Variants in LYPLA1 observed in about 807,000 individuals in gnomAD.
LYPLA1 encodes the protein acyl-protein thioesterase 1.
Under a neutral mutation model 34.0 loss-of-function variants are expected in LYPLA1, and 17 were observed. The observed-to-expected ratio is 0.50, with a 90% CI of 0.34 to 0.75. The LOEUF is 0.75. Ranked by LOEUF, LYPLA1 falls within the 30% of genes least tolerant of loss-of-function variation. The pLI is 0.01. For synonymous variants in LYPLA1, 98 were observed against 100.8 expected, an observed-to-expected ratio of 0.97 and a Z score of 0.17; for missense variants, 203 against 288.8, an observed-to-expected ratio of 0.70 and a Z score of 2.15.
intron 2 of LYPLA1, among the ~76,000 whole-genome samples, chr8:54,090,989 A>T (rs1809201560): frequency 6.6e-6 from 1 of 152,188 alleles, no homozygotes; most frequent in African/African-American, 2.4e-5. Context: ...CTGTGAGTGA[A>T]TTAAACCTCT....
At chr8:54,094,150 T>C (rs539998106) in intron 2 of LYPLA1, among the ~76,000 whole-genome samples, 16 of 152,352 alleles carry the variant, frequency 1.1e-4, no homozygotes, top group Admixed American at 2.6e-4. Flanking sequence ...TTCTTCTCTA[T>C]ACTTTTATAA....
intron 5 of LYPLA1, among the ~76,000 whole-genome samples, chr8:54,061,532 C>A (rs755313489): frequency 6.6e-6 from 1 of 152,188 alleles, no homozygotes; most frequent in Non-Finnish European, 1.5e-5. Context: ...TGAGTCCATG[C>A]GGACACTGTG....
rs777027263 is a variant in LYPLA1, at chr8:54,051,041, C to T, written c.610G>A (p.Glu204Lys). The change falls in exon 8 of 9, where the codon GAA becomes AAA. Residue 204 changes from glutamate (E) to lysine (K), a missense_variant. Physicochemically the swap from Glu to Lys is moderately conservative, Grantham distance 56 (BLOSUM62 1). Around this residue, in one of 3 missense-constraint regions of LYPLA1, gnomAD observed 123 missense variants for 199.2 expected, o/e 0.62. Coordinates refer to ENST00000316963, the MANE Select transcript of LYPLA1 (RefSeq NM_006330.4). Reference protein sequence around the residue: ...NPANVTFKTYEGMMHSSCQQE... With the variant: ...NPANVTFKTYKGMMHSSCQQE... ...TGACACGAACTGTGCATCATACCTTCATAGGTTTTAAAGGTCACATTGGCT... is the reference window on the plus strand; with the variant it reads ...TGACACGAACTGTGCATCATACCTTTATAGGTTTTAAAGGTCACATTGGCT... 6.2e-6 allele frequency: 10 copies of T among 1,613,560 alleles called. No homozygotes were observed. The highest frequency in any genetic ancestry group is 1.7e-5 in the Admixed American group (1 of 59,984).
chr8:54,093,140 T>C (rs1372884955), intron 2 of LYPLA1, among the ~76,000 whole-genome samples: 2 of 152,092 alleles, frequency 1.3e-5, no homozygotes, highest in Non-Finnish European at 2.9e-5. Context: ...ATAACACGAG[T>C]GTGTCCACAC....
intron 2 of LYPLA1, among the ~76,000 whole-genome samples, chr8:54,092,820 T>TAA (rs1205533628): frequency 1.4e-4 from 21 of 152,216 alleles, no homozygotes; most frequent in African/African-American, 5.1e-4. Context: ...TGTCTCTACT[T>TAA]AAAAACAAAA....
At chr8:54,097,113 G>T (rs900252596) in intron 2 of LYPLA1, among the ~76,000 whole-genome samples, 2 of 152,098 alleles carry the variant, frequency 1.3e-5, no homozygotes. Flanking sequence ...TGAACAACTT[G>T]CATAGTCACA....
chr8:54,078,404 C>G (rs1563627180), intron 2 of LYPLA1, among the ~76,000 whole-genome samples: 1 of 152,210 alleles, frequency 6.6e-6, no homozygotes, highest in Non-Finnish European at 1.5e-5. Context: ...AGCAAAGCAA[C>G]TGATAAATTC....
chr8:54,095,569 C>T (rs527450898), intron 2 of LYPLA1, among the ~76,000 whole-genome samples: 99 of 152,252 alleles, frequency 6.5e-4, no homozygotes, highest in African/African-American at 2.2e-3. Flanking sequence ...CTGGCAGACA[C>T]CATCTTAACC....
chr8:54,075,760 T>C (rs1266707226), intron 2 of LYPLA1, among the ~76,000 whole-genome samples: 5 of 152,196 alleles, frequency 3.3e-5, no homozygotes, highest in African/African-American at 1.2e-4. Flanking sequence ...GATCTCAGTA[T>C]TTACCATAAT....
chr8:54,083,943 G>C (rs1008610979), intron 2 of LYPLA1, among the ~76,000 whole-genome samples: 2 of 151,282 alleles, frequency 1.3e-5, no homozygotes, highest in Non-Finnish European at 2.9e-5. Context: ...TTCAAGACTA[G>C]CCTGGCCAAT....
intron 2 of LYPLA1, among the ~76,000 whole-genome samples, chr8:54,085,807 TG>T (rs369437185): frequency 0.38 from 50,687 of 131,884 alleles, 12,129 homozygotes; most frequent in East Asian, 0.75. Context: ...GTCCGCGAGG[TG>T]GGGGGGGGGC....
At chr8:54,059,830 A>C (rs551145407) in intron 5 of LYPLA1, among the ~76,000 whole-genome samples, 84 of 152,262 alleles carry the variant, frequency 5.5e-4, no homozygotes, top group South Asian at 1.2e-3. Flanking sequence ...CTGAGGCGGG[A>C]GAGTTGCTGG....
At position 54,072,317 on chromosome 8, in the gene LYPLA1, T is replaced by C. The variant is rs564825314; in HGVS notation, c.102-6504A>G. ...AACCTAGGAAATACCATTTTAGACA[T>C]AGGACTTGTCTAAGATTTCATGGTG... On this transcript the variant is annotated intron_variant, in intron 2 of 8. Coordinates refer to ENST00000316963, the MANE Select transcript of LYPLA1 (RefSeq NM_006330.4). Among the ~76,000 whole-genome samples, 11 of 152,272 alleles carry C rather than the reference T, an allele frequency of 7.2e-5. No individual in the cohort carries two copies. The South Asian group carries it at 1.0e-3, about 14-fold the overall frequency.
chr8:54,087,713 A>G lies in LYPLA1; in HGVS notation c.101+13195T>C, dbSNP rs181446005. On this transcript the variant is annotated intron_variant, in intron 2 of 8. Coordinates refer to ENST00000316963, the MANE Select transcript of LYPLA1 (RefSeq NM_006330.4). ...TTTTAAAACGGCAAAGGATCTGAAC[A>G]GATATTTCTCCAAAGAAAATATGCA... is the stretch of plus-strand genomic sequence containing the variant. Among the ~76,000 whole-genome samples the G allele has an allele frequency of 8.8e-4, 134 of 152,386 alleles. 1 individual carries two copies. The highest frequency in any genetic ancestry group is 3.4e-3 in the Middle Eastern group (1 of 294).
intron 2 of LYPLA1, among the ~76,000 whole-genome samples, chr8:54,067,400 T>C (rs1455923557): frequency 6.6e-6 from 1 of 152,154 alleles, no homozygotes; most frequent in Non-Finnish European, 1.5e-5. Flanking sequence ...CATGTTCACA[T>C]ACATACACGT....
At chr8:54,064,499 T>G (rs887722546) in intron 3 of LYPLA1, among the ~76,000 whole-genome samples, 7 of 152,204 alleles carry the variant, frequency 4.6e-5, no homozygotes, top group Non-Finnish European at 1.0e-4. Context: ...AGCCACAGTA[T>G]TCACTGTAGC....
chr8:54,063,152 G>A (rs577777437), intron 4 of LYPLA1, among the ~76,000 whole-genome samples, 176 bp downstream of exon 4: 2 of 152,298 alleles, frequency 1.3e-5, no homozygotes, highest in East Asian at 1.9e-4. Context: ...CTACCTGTAT[G>A]TACAGCTCCT....
intron 8 of LYPLA1, among the ~76,000 whole-genome samples, chr8:54,049,763 T>TTTTAAAGTTTAAAGTTTTAA (rs1805723400): frequency 6.6e-6 from 1 of 152,166 alleles, no homozygotes; most frequent in African/African-American, 2.4e-5. Context: ...CTACTCTTCT[T>TTTTAAAGTTTAAAGTTTTAA]CCTGTTTACC....
intron 2 of LYPLA1, among the ~76,000 whole-genome samples, chr8:54,080,707 C>G (rs1808250746): frequency 6.6e-6 from 1 of 152,150 alleles, no homozygotes; most frequent in South Asian, 2.1e-4. Context: ...CCTGCCTCAG[C>G]CTCTCGAGTA....
Sources: allele counts gnomAD v4.1 joint callset (sites outside exome capture counted in the v4.1 genomes callset), GRCh38; gene constraint gnomAD v4.1.1; regional missense constraint gnomAD v4.1.1; transcripts MANE v1.5; gene names NCBI Gene and HGNC (gene_info 2026-07-23, HGNC 2026-07-21).